CCDC171: variants seen among roughly 807,000 people sequenced by gnomAD.
CCDC171 encodes coiled-coil domain containing 171.
In CCDC171, 177 loss-of-function variants were observed where a neutral mutation model predicts 168.2. The ratio of observed to expected loss-of-function variants is 1.05; its 90% CI spans 0.93 to 1.19. The LOEUF (loss-of-function observed/expected upper bound fraction) is 1.19, where lower values mean the gene tolerates loss of function less well. CCDC171 is among the 50% of genes most tolerant of loss of function. The probability of loss-of-function intolerance (pLI) is 0.00; values close to 1 mark genes in which losing one functional copy is unlikely to be tolerated. For missense variants in CCDC171, 1,991 were observed against 1,539.0 expected (o/e 1.29, Z -4.91); for synonymous variants, 687 against 540.8 (o/e 1.27, Z -3.75).
At chr9:15,835,398 T>C (rs1256297590) in intron 21 of CCDC171, among the ~76,000 whole-genome samples, 9 of 152,222 alleles carry the variant, frequency 5.9e-5, no homozygotes, top group African/African-American at 2.2e-4. Flanking sequence ...GATTTTGTGA[T>C]GAAAGTTGAG....
At chr9:15,861,221 T>TTC (rs1197501181) in intron 23 of CCDC171, among the ~76,000 whole-genome samples, 1 of 151,588 alleles carries the variant, frequency 6.6e-6, no homozygotes, top group African/African-American at 2.4e-5. Context: ...TGGATCTTTT[T>TTC]TTTTTTTAAA....
intron 3 of CCDC171, among the ~76,000 whole-genome samples, chr9:16,016,892 T>C (rs1833037530): frequency 6.6e-6 from 1 of 152,188 alleles, no homozygotes. Flanking sequence ...TGCCTAGCAA[T>C]CTAAAATGAT....
intron 7 of CCDC171, among the ~76,000 whole-genome samples, chr9:15,653,189 G>C (rs754850406): frequency 2.0e-5 from 3 of 152,004 alleles, no homozygotes; most frequent in Non-Finnish European, 2.9e-5. Flanking sequence ...GCCTAGGTTG[G>C]AGTGCAGTAG....
intron 8 of CCDC171, among the ~76,000 whole-genome samples, chr9:15,663,672 C>G (rs1184597449): frequency 6.9e-6 from 1 of 145,060 alleles, no homozygotes; most frequent in African/African-American, 2.6e-5. Flanking sequence ...GTGGCGCGAT[C>G]TTGGCTCACT....
exon 2 of CCDC171, chr9:16,060,903 T>A (rs1434657489): frequency 1.3e-5 from 2 of 152,264 alleles, no homozygotes; most frequent in Non-Finnish European, 2.9e-5. Context: ...ACTGGGCTTA[T>A]GCTTGTCATT....
downstream of CCDC171, among the ~76,000 whole-genome samples, chr9:16,065,231 A>C (rs1259387386): frequency 1.3e-5 from 2 of 152,182 alleles, no homozygotes; most frequent in South Asian, 2.1e-4. Flanking sequence ...AGTCTCAGAG[A>C]ACTGAGCTGG....
At chr9:15,965,458 T>G (rs1830707052) in intron 25 of CCDC171, among the ~76,000 whole-genome samples, 1 of 152,182 alleles carries the variant, frequency 6.6e-6, no homozygotes. Context: ...TCACATCCCT[T>G]TCTACCATTA....
rs976604129 is a variant in CCDC171, at chr9:15,968,473, G to A, written c.3754-3136G>A. Among the ~76,000 whole-genome samples the A allele has an allele frequency of 1.1e-4, 16 of 151,252 alleles. 1 individual carries two copies. In the South Asian group the frequency reaches 3.1e-3, roughly 30 times the overall value. On this transcript the variant is annotated intron_variant, in intron 25 of 25. Coordinates refer to ENST00000380701, the MANE Select transcript of CCDC171 (RefSeq NM_173550.4). The stretch of plus-strand genomic sequence containing the variant: ...TGGATATTTATAACAAGAAAAACCG[G>A]TCATATTTACTTGTATTTTAACATC...
At chr9:15,853,496 G>T (rs1031021856) in intron 23 of CCDC171, among the ~76,000 whole-genome samples, 4 of 151,512 alleles carry the variant, frequency 2.6e-5, no homozygotes, top group Non-Finnish European at 5.9e-5. Context: ...TTGTATGCAT[G>T]TATAGCTTCT....
chr9:15,790,833 G>C (rs2058219092), intron 21 of CCDC171, among the ~76,000 whole-genome samples: 1 of 152,196 alleles, frequency 6.6e-6, no homozygotes, highest in Non-Finnish European at 1.5e-5. Context: ...AGTTTTCTCA[G>C]CACCATTTAT....
chr9:15,957,540 A>G (rs1372479591), intron 25 of CCDC171, among the ~76,000 whole-genome samples: 1 of 152,196 alleles, frequency 6.6e-6, no homozygotes, highest in Non-Finnish European at 1.5e-5. Flanking sequence ...TGAACAAAAG[A>G]TGCTAATGTT....
At chr9:15,648,015 C>T (rs568543034) in intron 7 of CCDC171, among the ~76,000 whole-genome samples, 10 of 152,114 alleles carry the variant, frequency 6.6e-5, no homozygotes, top group Non-Finnish European at 1.2e-4. Flanking sequence ...ACTGGCAAAC[C>T]GAATCCAGCA....
intron 11 of CCDC171, among the ~76,000 whole-genome samples, chr9:15,708,047 C>G (rs539417668): frequency 6.6e-6 from 1 of 152,280 alleles, no homozygotes; most frequent in South Asian, 2.1e-4. Context: ...GGGGTTTCAT[C>G]ATGTTGGCCA....
intron 8 of CCDC171, among the ~76,000 whole-genome samples, chr9:16,036,370 C>A (rs1317317630): frequency 6.6e-6 from 1 of 152,226 alleles, no homozygotes; most frequent in Non-Finnish European, 1.5e-5. Context: ...CTTGGCCGGG[C>A]ACGGTGGCTC....
chr9:15,791,507 T>G (rs201990528), intron 21 of CCDC171, among the ~76,000 whole-genome samples: 6 of 152,212 alleles, frequency 3.9e-5, no homozygotes, highest in African/African-American at 1.4e-4. Context: ...TGAGGTGATG[T>G]GGTTTTCTAG....
rs761945690 is a variant in CCDC171, at chr9:15,784,638, G to C, written c.3211G>C (p.Glu1071Gln). The C allele has an allele frequency of 6.2e-6, 10 of 1,613,376 alleles. No homozygotes were observed. In the East Asian group the frequency reaches 2.0e-4, roughly 32 times the overall value. The change falls in exon 21 of 26, where the codon GAA becomes CAA. Residue 1071 changes from glutamate to glutamine, a missense_variant. By Grantham distance (29) the Glu-to-Gln change is conservative. Coordinates refer to ENST00000380701, the MANE Select transcript of CCDC171 (RefSeq NM_173550.4). The part of the protein sequence containing the change: ...QQLQELNYKL[E>Q]LHSSEEADKN... ...ACTACAGGAATTGAATTATAAACTT[G>C]AATTGCACTCCAGTGAGGAAGCTGA...
chr9:16,004,350 AT>A (rs1282517837), intron 3 of CCDC171, among the ~76,000 whole-genome samples: 3 of 152,132 alleles, frequency 2.0e-5, no homozygotes, highest in East Asian at 1.9e-4. Context: ...AAGAAAGATG[AT>A]TTTTTTGACT....
intron 25 of CCDC171, among the ~76,000 whole-genome samples, chr9:15,955,315 G>T (rs1829681593): frequency 6.6e-6 from 1 of 152,162 alleles, no homozygotes; most frequent in African/African-American, 2.4e-5. Context: ...AAGAAAGGAT[G>T]CTGGCCCTTT....
chr9:15,665,859 T>C (rs944649874), intron 8 of CCDC171, among the ~76,000 whole-genome samples: 1 of 152,208 alleles, frequency 6.6e-6, no homozygotes, highest in Non-Finnish European at 1.5e-5. Context: ...AATTTGAAAC[T>C]TTGAAAATTT....
Sources: allele counts gnomAD v4.1 joint callset (sites outside exome capture counted in the v4.1 genomes callset), GRCh38; gene constraint gnomAD v4.1.1; transcripts MANE v1.5; gene names NCBI Gene and HGNC (gene_info 2026-07-23, HGNC 2026-07-21).